TYW1: variants seen among roughly 807,000 people sequenced by gnomAD.
TYW1 encodes the protein tRNA-yW synthesizing protein 1 homolog, also known as S-adenosyl-L-methionine-dependent tRNA 4-demethylwyosine synthase TYW1.
TYW1 carries 46 observed loss-of-function variants against 96.2 expected under a neutral mutation model. The ratio of observed to expected loss-of-function variants is 0.48; its 90% CI spans 0.38 to 0.61. The LOEUF (loss-of-function observed/expected upper bound fraction) is 0.61. TYW1 is among the 20% of genes least tolerant of loss of function. TYW1 has a pLI of 0.00. For missense variants in TYW1, 684 were observed against 909.6 expected (o/e 0.75, Z 3.19); for synonymous variants, 274 against 323.0 (o/e 0.85, Z 1.63).
At position 67,101,200 on chromosome 7, in the gene TYW1, C is replaced by T. The variant is rs147045468; in HGVS notation, c.1562+2482C>T. ...GTGCTTATTAAGGCCCACTGTTTTA[C>T]TGGGGCCCAGTGTATGAGAGTGAAG... On this transcript the variant is annotated intron_variant, in intron 12 of 15. Coordinates refer to ENST00000359626, the MANE Select transcript of TYW1 (RefSeq NM_018264.4). Among the ~76,000 whole-genome samples the T allele has an allele frequency of 9.7e-3, 1,472 of 152,268 alleles. 23 individuals carry two copies. The highest frequency in any genetic ancestry group is 0.034 in the African/African-American group (1,413 of 41,562).
At chr7:67,186,414 G>C (rs1184578769) in intron 14 of TYW1, among the ~76,000 whole-genome samples, 1 of 151,912 alleles carries the variant, frequency 6.6e-6, no homozygotes, top group Non-Finnish European at 1.5e-5. Context: ...TTCTCTGATG[G>C]GTATTATTTG....
At chr7:67,169,431 C>T (rs1216678986) in intron 13 of TYW1, among the ~76,000 whole-genome samples, 4 of 151,668 alleles carry the variant, frequency 2.6e-5, no homozygotes, top group African/African-American at 7.3e-5. Flanking sequence ...GATGGAGTCT[C>T]GCTCTGTTCC....
At chr7:67,074,089 GAAAT>G (rs1796131054) in intron 10 of TYW1, among the ~76,000 whole-genome samples, 2 of 139,218 alleles carry the variant, frequency 1.4e-5, no homozygotes, top group Non-Finnish European at 3.1e-5. Flanking sequence ...AAAAAAAAAA[GAAAT>G]AAAATGTGAC....
rs749207967 is a variant in TYW1, at chr7:67,067,321, A to G, written c.1192A>G (p.Thr398Ala). ...AGGGAGAGGAGGTTGTTACAAACAC[A>G]CATTCTATGGAATTGAGAGCCATCG... is the stretch of plus-strand genomic sequence containing the variant. ...LRGRGGCYKH[T>A]FYGIESHRCM... Residue 398 changes from threonine (T) to alanine (A), a missense_variant, in exon 10 of 16, where the codon ACA becomes GCA. Coordinates refer to ENST00000359626, the MANE Select transcript of TYW1 (RefSeq NM_018264.4). The G allele has an allele frequency of 1.2e-6, 2 of 1,613,884 alleles. No homozygotes were observed. Among genetic ancestry groups the G allele is most frequent in the Admixed American group, 1.7e-5 (1 of 59,992 alleles).
chr7:67,117,423 C>T (rs1288501990), intron 12 of TYW1, 60 bp from the exon 13 acceptor site: 1 of 1,557,334 alleles, frequency 6.4e-7, no homozygotes, highest in Non-Finnish European at 8.7e-7. Flanking sequence ...GGTTTTATAT[C>T]ATGGAAAGCC....
At chr7:67,080,954 T>G (rs1291872664) in intron 10 of TYW1, among the ~76,000 whole-genome samples, 1 of 146,640 alleles carries the variant, frequency 6.8e-6, no homozygotes, top group East Asian at 2.0e-4. Context: ...TTTTTTTTTT[T>G]TTTTTTTTTT....
chr7:67,174,853 T>G lies in TYW1; in HGVS notation c.1699-8273T>G, dbSNP rs1799620599. On this transcript the variant is annotated intron_variant, in intron 13 of 15. Transcript: ENST00000359626. ...ACATCACTATAGATCCTATAGACAT[T>G]AAAAAGATAGGAGGATATTTTGAAT... 2.0e-5 allele frequency among the ~76,000 whole-genome samples: 3 copies of G among 152,092 alleles called. No homozygotes were observed. The South Asian group carries it at 6.2e-4, about 32-fold the overall frequency.
At chr7:67,144,786 T>C (rs1385072178) in intron 13 of TYW1, among the ~76,000 whole-genome samples, 3 of 152,098 alleles carry the variant, frequency 2.0e-5, no homozygotes, top group Non-Finnish European at 4.4e-5. Flanking sequence ...TTGTTTTTAA[T>C]ATCCAAACTT....
At chr7:67,141,678 C>T (rs1392171353) in intron 13 of TYW1, among the ~76,000 whole-genome samples, 2 of 152,200 alleles carry the variant, frequency 1.3e-5, no homozygotes, top group African/African-American at 2.4e-5. Flanking sequence ...CACTGAACCT[C>T]TGTGAAGTCT....
At chr7:67,054,082 G>A (rs1795440308) in intron 8 of TYW1, among the ~76,000 whole-genome samples, 1 of 152,166 alleles carries the variant, frequency 6.6e-6, no homozygotes, top group Admixed American at 6.6e-5. Flanking sequence ...GTTGCCTGAT[G>A]TCTCATGTTC....
intron 7 of TYW1, among the ~76,000 whole-genome samples, chr7:67,045,532 T>C (rs972161207): frequency 6.6e-6 from 1 of 152,228 alleles, no homozygotes; most frequent in Non-Finnish European, 1.5e-5. Context: ...TCGTATGATA[T>C]TTAAAACAAA....
intron 15 of TYW1, among the ~76,000 whole-genome samples, chr7:67,207,681 C>CTTT (rs11286327): frequency 2.7e-4 from 31 of 116,580 alleles, no homozygotes; most frequent in Non-Finnish European, 3.9e-4. Context: ...TTTTGTTTGC[C>CTTT]TTTTTTTTTT....
chr7:67,126,029 G>A (rs1797902987), intron 13 of TYW1, among the ~76,000 whole-genome samples: 1 of 151,826 alleles, frequency 6.6e-6, no homozygotes, highest in South Asian at 2.1e-4. Flanking sequence ...AAACATCTGT[G>A]TGCAAGTTTG....
intron 12 of TYW1, among the ~76,000 whole-genome samples, chr7:67,112,366 A>G (rs1272333571): frequency 6.6e-6 from 1 of 152,116 alleles, no homozygotes; most frequent in African/African-American, 2.4e-5. Context: ...CTGTAATCCC[A>G]GTACTTTCGG....
chr7:67,117,213 A>G (rs1384730353), intron 12 of TYW1, among the ~76,000 whole-genome samples: 2 of 152,176 alleles, frequency 1.3e-5, no homozygotes, highest in African/African-American at 4.8e-5. Flanking sequence ...TTTCCATTCA[A>G]ACTTAGTATT....
At chr7:67,209,729 C>T (rs1177933824) in intron 15 of TYW1, among the ~76,000 whole-genome samples, 33 of 152,102 alleles carry the variant, frequency 2.2e-4, no homozygotes, top group African/African-American at 5.8e-4. Flanking sequence ...CACGCCACCA[C>T]GCCCGGCTAC....
chr7:67,128,713 C>T (rs1191835307), intron 13 of TYW1, among the ~76,000 whole-genome samples: 5 of 137,030 alleles, frequency 3.6e-5, no homozygotes, highest in African/African-American at 1.3e-4. Context: ...TTTTTTGAGA[C>T]GGAGTCTTGC....
intron 5 of TYW1, among the ~76,000 whole-genome samples, chr7:67,015,855 C>T (rs1256445517): frequency 6.0e-5 from 9 of 150,944 alleles, no homozygotes; most frequent in Admixed American, 2.0e-4. Flanking sequence ...TCCAGCTACT[C>T]GGGAGGCTGA....
chr7:67,078,026 A>T (rs865912171), intron 10 of TYW1, among the ~76,000 whole-genome samples: 1 of 151,800 alleles, frequency 6.6e-6, no homozygotes, highest in African/African-American at 2.4e-5. Flanking sequence ...TGTTGAGTCT[A>T]TGTGTCTGTT....
Sources: gnomAD v4.1 joint callset for allele counts (sites outside exome capture counted in the v4.1 genomes callset) on GRCh38, gnomAD v4.1.1 for gene constraint, MANE v1.5 for transcripts, NCBI Gene and HGNC (gene_info 2026-07-23, HGNC 2026-07-21) for gene names.